SLU7: variants seen among roughly 807,000 people sequenced by gnomAD.
SLU7 encodes pre-mRNA-splicing factor SLU7.
Under a neutral mutation model 87.0 loss-of-function variants are expected in SLU7, and 60 were observed. The ratio of observed to expected loss-of-function variants is 0.69; its 90% CI spans 0.56 to 0.86. The LOEUF (loss-of-function observed/expected upper bound fraction) is 0.86. Ranked by LOEUF, SLU7 falls within the 40% of genes least tolerant of loss-of-function variation. The pLI is 0.00. For synonymous variants in SLU7, 197 were observed against 222.0 expected (o/e 0.89, Z 1.00); for missense variants, 507 against 686.6 (o/e 0.74, Z 2.92).
At position 160,407,458 on chromosome 5, in the gene SLU7, C is replaced by T; in HGVS notation, c.1125+18G>A. 6.3e-7 allele frequency: 1 copy of T among 1,594,408 alleles called. No homozygotes were observed. Among genetic ancestry groups the T allele is most frequent in the Non-Finnish European group, 8.5e-7 (1 of 1,173,738 alleles). Reference sequence around the variant, plus strand: ...CTCTTTAACAGAAGTTCTTCTTTAGCATTTTGGTCAAAATTACCTTTTCCA... The same window carrying T: ...CTCTTTAACAGAAGTTCTTCTTTAGTATTTTGGTCAAAATTACCTTTTCCA... On this transcript the variant is annotated intron_variant, in intron 11 of 15. Transcript: ENST00000297151. The surrounding 1 kb of genome is among the most constrained non-coding windows in gnomAD (Gnocchi z 4.2).
intron 8 of SLU7, 86 bp from the exon 9 acceptor site, chr5:160,408,154 A>T: frequency 1.7e-6 from 2 of 1,156,310 alleles, no homozygotes; most frequent in South Asian, 2.6e-5. Flanking sequence ...GAACATGATC[A>T]ATTAAATAAA....
chr5:160,413,632 G>A lies in SLU7; in HGVS notation c.406-12C>T. On this transcript the variant is annotated splice_polypyrimidine_tract_variant and intron_variant, in intron 4 of 15. Transcript: ENST00000297151. ...ACTCGCCTAGGTCTCTAAAAACAGAGTAAGATTTAATCTTTTCCTAAGTTT... is the reference window on the plus strand; with the variant it reads ...ACTCGCCTAGGTCTCTAAAAACAGAATAAGATTTAATCTTTTCCTAAGTTT... 2 of 1,600,694 alleles carry A rather than the reference G, an allele frequency of 1.2e-6. No homozygotes were observed. Among genetic ancestry groups the A allele is most frequent in the Admixed American group, 3.5e-5 (2 of 56,622 alleles).
Position 160,413,538 on chromosome 5 carries a change from T to G in SLU7, c.488A>C (p.Tyr163Ser). ...EHVQPQLMFD[Y>S]DGKRDRWNGY... ...ATTCCACCGATCCCTCTTCCCATCA[T>G]AGTCAAACATCAGTTGAGGCTGGAC... The change falls in exon 5 of 16, where the codon TAT (tyrosine) becomes TCT (serine). Residue 163 changes from tyrosine to serine, a missense_variant. Coordinates refer to ENST00000297151, the MANE Select transcript of SLU7 (RefSeq NM_006425.5). 6.2e-7 allele frequency: 1 copy of G among 1,614,056 alleles called. No homozygotes were observed.
chr5:160,406,832 C>T (rs1765036024), intron 11 of SLU7, among the ~76,000 whole-genome samples: 1 of 152,144 alleles, frequency 6.6e-6, no homozygotes, highest in Non-Finnish European at 1.5e-5. Flanking sequence ...CTGTTGAGTA[C>T]AGTAAGTTAC....
chr5:160,406,362 TTA>T, intron 12 of SLU7, 104 bp downstream of exon 12: 1 of 912,538 alleles, frequency 1.1e-6, no homozygotes, highest in Non-Finnish European at 1.5e-6. Flanking sequence ...TTTTTTTTTT[TTA>T]AAGCATAGAG....
At chr5:160,412,316 G>A (rs982256544) in intron 6 of SLU7, 135 bp downstream of exon 6, 2 of 616,646 alleles carry the variant, frequency 3.2e-6, no homozygotes, top group African/African-American at 1.9e-5. Context: ...TGTATACAAA[G>A]TATCAGTTTT....
chr5:160,413,980 C>T lies in SLU7; in HGVS notation c.325-1G>A. ...TGCGGTACTTAGTAATTATGGAATT[C>T]TATAAATATATATAAAGAAAAACAA... On this transcript the variant is annotated splice_acceptor_variant, in intron 3 of 15. Coordinates refer to ENST00000297151, the MANE Select transcript of SLU7 (RefSeq NM_006425.5). LOFTEE classifies it high-confidence loss of function. 6.5e-7 allele frequency: 1 copy of T among 1,537,960 alleles called. No homozygotes were observed. Among genetic ancestry groups the T allele is most frequent in the Non-Finnish European group, 8.8e-7 (1 of 1,135,550 alleles).
intron 6 of SLU7, among the ~76,000 whole-genome samples, chr5:160,411,540 A>G (rs985314684): frequency 1.3e-5 from 2 of 152,198 alleles, no homozygotes; most frequent in Admixed American, 1.3e-4. Context: ...TTAAACACCT[A>G]TCTGGTAACT....
intron 1 of SLU7, among the ~76,000 whole-genome samples, chr5:160,415,544 C>T (rs1186926256): frequency 1.3e-5 from 2 of 152,200 alleles, no homozygotes; most frequent in African/African-American, 4.8e-5. Context: ...TAAAATTTCA[C>T]AGGACTCTTT....
In SLU7 at chr5:160,407,449, C is replaced by A; in HGVS notation, c.1125+27G>T. On this transcript the variant is annotated intron_variant, in intron 11 of 15. Coordinates refer to ENST00000297151, the MANE Select transcript of SLU7 (RefSeq NM_006425.5). The surrounding 1 kb of genome is among the most constrained non-coding windows in gnomAD (Gnocchi z 4.2). Reference sequence around the variant, plus strand: ...TAGTAACTTCTCTTTAACAGAAGTTCTTCTTTAGCATTTTGGTCAAAATTA... The same window carrying A: ...TAGTAACTTCTCTTTAACAGAAGTTATTCTTTAGCATTTTGGTCAAAATTA... 1.3e-6 allele frequency: 2 copies of A among 1,588,294 alleles called. No homozygotes were observed. Among genetic ancestry groups the A allele is most frequent in the South Asian group, 2.3e-5 (2 of 86,384 alleles).
intron 1 of SLU7, among the ~76,000 whole-genome samples, chr5:160,416,566 TA>T (rs1765465467): frequency 6.6e-6 from 1 of 152,206 alleles, no homozygotes; most frequent in Admixed American, 6.5e-5. Flanking sequence ...TTCCCTATCT[TA>T]ATGAAAGACA....
rs1452734669 is a variant in SLU7, at chr5:160,408,220, T to C, written c.819+109A>G. 5 of 1,297,660 alleles carry C rather than the reference T, an allele frequency of 3.9e-6. No individual in the cohort carries two copies. The Admixed American group carries it at 8.7e-5, about 23-fold the overall frequency. The allele number at this position is 1,297,660 out of a possible 1,614,324, so 80.4% of individuals were successfully genotyped here. The stretch of plus-strand genomic sequence containing the variant: ...AGAGAAAAAACAGAATGAAACCTTA[T>C]CTTAGAATGACTCTGACTATATTAT... On this transcript the variant is annotated intron_variant, in intron 8 of 15. Coordinates refer to ENST00000297151, the MANE Select transcript of SLU7 (RefSeq NM_006425.5).
In SLU7 at chr5:160,408,078, A is replaced by T. The variant is rs755703074; in HGVS notation, c.820-10T>A. ...CTAAATTCCTCAAATACTAGAAGAA[A>T]AAAATATTTAAAGAATTAATGTTTA... is the stretch of plus-strand genomic sequence containing the variant. On this transcript the variant is annotated splice_polypyrimidine_tract_variant and intron_variant, in intron 8 of 15. Transcript: ENST00000297151. 4 of 1,546,058 alleles carry T rather than the reference A, an allele frequency of 2.6e-6. No homozygotes were observed. The East Asian group carries it at 9.0e-5, about 35-fold the overall frequency.
In SLU7 at chr5:160,403,368, C is replaced by T. The variant is rs560192330; in HGVS notation, c.1678G>A (p.Glu560Lys). ...GCCTCCATTTCCTCTTCAGTAGGTT[C>T]TCGAGTTTCATACATGCTATTGTAA... ...RPYNSMYETR[E>K]PTEEEMEAYR... The change falls in exon 16 of 16, where the codon GAA becomes AAA. Residue 560 changes from glutamate (E) to lysine (K), a missense_variant. By Grantham distance (56) the Glu-to-Lys change is moderately conservative. Around this residue, in one of 6 missense-constraint regions of SLU7, gnomAD observed 201 missense variants for 213.4 expected, o/e 0.94. Transcript: ENST00000297151. 1.9e-6 allele frequency: 3 copies of T among 1,613,552 alleles called. No homozygotes were observed. Among genetic ancestry groups the T allele is most frequent in the South Asian group, 2.2e-5 (2 of 90,894 alleles).
intron 15 of SLU7, among the ~76,000 whole-genome samples, 166 bp downstream of exon 15, chr5:160,404,274 A>G (rs768737123): frequency 3.3e-4 from 51 of 152,246 alleles, no homozygotes; most frequent in Non-Finnish European, 6.5e-4. Flanking sequence ...CTGAGGCAGA[A>G]GAATTGCTTG....
intron 12 of SLU7, among the ~76,000 whole-genome samples, chr5:160,405,638 G>A (rs575841586): frequency 6.6e-6 from 1 of 152,182 alleles, no homozygotes; most frequent in East Asian, 1.9e-4. Context: ...GCTTTATGAT[G>A]TTTACAATGC....
rs368397494 is a variant in SLU7 at position 160,414,913 on chromosome 5, G to T, written c.170+212C>A. Among the ~76,000 whole-genome samples, 15 of 152,272 alleles carry T rather than the reference G, an allele frequency of 9.9e-5. No individual in the cohort carries two copies. The South Asian group carries it at 3.1e-3, about 32-fold the overall frequency. Reference sequence around the variant, plus strand: ...GTCACTTCTGTAGAGCAGGCCAGGGGTGGGAACGGTAAAAAAGGACTGTTG... The same window carrying T: ...GTCACTTCTGTAGAGCAGGCCAGGGTTGGGAACGGTAAAAAAGGACTGTTG... On this transcript the variant is annotated intron_variant, in intron 2 of 15. Coordinates refer to ENST00000297151, the MANE Select transcript of SLU7 (RefSeq NM_006425.5).
intron 7 of SLU7, 71 bp downstream of exon 7, chr5:160,408,573 TTATTAG>T: frequency 7.2e-7 from 1 of 1,385,930 alleles, no homozygotes; most frequent in Non-Finnish European, 1.0e-6. Context: ...TTAAAAGCTA[TTATTAG>T]TGTTATTTAT....
intron 2 of SLU7, 119 bp downstream of exon 2, chr5:160,414,999 TAAAATAA>T: frequency 1.3e-6 from 1 of 782,322 alleles, no homozygotes; most frequent in African/African-American, 1.8e-5. Context: ...ATGAGTTTGA[TAAAATAA>T]AAAACAAAAA....
Sources: gnomAD v4.1 joint callset for allele counts (sites outside exome capture counted in the v4.1 genomes callset) on GRCh38, gnomAD v4.1.1 for gene constraint, gnomAD v4.1.1 regional missense constraint, Gnocchi (gnomAD v3.1) non-coding constraint, MANE v1.5 for transcripts, NCBI Gene and HGNC (gene_info 2026-07-23, HGNC 2026-07-21) for gene names.